The following MYCBP2 variants were observed in gnomAD, a reference collection of about 807,000 sequenced individuals.
MYCBP2 encodes the protein E3 ubiquitin-protein ligase MYCBP2.
MYCBP2 carries 120 observed loss-of-function variants against 525.3 expected under a neutral mutation model. That is an observed-to-expected ratio of 0.23 (90% confidence interval 0.20 to 0.27). MYCBP2 has a LOEUF of 0.27. MYCBP2 is among the 10% of genes least tolerant of loss of function. The pLI is 1.00. For missense variants in MYCBP2, 4,149 were observed against 5,657.1 expected (o/e 0.73, Z 8.55); for synonymous variants, 1,894 against 1,955.8 (o/e 0.97, Z 0.83).
intron 15 of MYCBP2, among the ~76,000 whole-genome samples, chr13:77,248,855 G>A (rs752319846): frequency 1.3e-5 from 2 of 152,208 alleles, no homozygotes; most frequent in Non-Finnish European, 2.9e-5. Context: ...CAATGTGGAA[G>A]CAACCAAAGT....
chr13:77,267,960 C>A, intron 7 of MYCBP2, 23 bp from the exon 8 acceptor site: 1 of 1,530,770 alleles, frequency 6.5e-7, no homozygotes, highest in South Asian at 1.1e-5. Context: ...AAAAATTTTC[C>A]TGTTAAAATA....
At position 77,185,952 on chromosome 13, in the gene MYCBP2, C is replaced by A; in HGVS notation, c.4363G>T (p.Asp1455Tyr). The change falls in exon 31 of 83, where the codon GAT (aspartate) becomes TAT (tyrosine). Residue 1455 changes from aspartate (D) to tyrosine (Y), a missense_variant. Physicochemically the swap from Asp to Tyr is radical, Grantham distance 160. Coordinates refer to ENST00000544440, the MANE Select transcript of MYCBP2 (RefSeq NM_015057.5). ...KGFQFTATLLDLERLRFVGTC... is the reference protein window; with the variant it reads ...KGFQFTATLLYLERLRFVGTC... ...CCCACAAAGCGCAGTCTCTCTAAAT[C>A]TAGGAGTGTAGCTGTGAACTGGAAT... The A allele has an allele frequency of 1.2e-6, 2 of 1,613,940 alleles. No homozygotes were observed. Among genetic ancestry groups the A allele is most frequent in the Non-Finnish European group, 1.7e-6 (2 of 1,179,904 alleles).
intron 49 of MYCBP2, among the ~76,000 whole-genome samples, chr13:77,141,222 T>TA (rs1443225799): frequency 2.0e-5 from 3 of 151,552 alleles, no homozygotes; most frequent in Non-Finnish European, 2.9e-5. Flanking sequence ...TGGAAAATAA[T>TA]AAAAAAAAGA....
At chr13:77,185,044 T>C in intron 32 of MYCBP2, 59 bp downstream of exon 32, 2 of 1,453,956 alleles carry the variant, frequency 1.4e-6, no homozygotes, top group African/African-American at 1.4e-5. Context: ...ATTTATTTTC[T>C]TGAAGAGTAT....
At chr13:77,209,547 T>C (rs1381021797) in intron 23 of MYCBP2, among the ~76,000 whole-genome samples, 1 of 152,192 alleles carries the variant, frequency 6.6e-6, no homozygotes, top group African/African-American at 2.4e-5. Flanking sequence ...AATTCTATCT[T>C]TACATCTTTT....
chr13:77,280,109 T>G (rs9593221), intron 3 of MYCBP2, among the ~76,000 whole-genome samples: 2 of 152,202 alleles, frequency 1.3e-5, no homozygotes, highest in Non-Finnish European at 2.9e-5. Context: ...CAGAAATACA[T>G]TTTCTAAACC....
chr13:77,136,532 GCTTTCTTGGCT>G (rs1421092110), intron 52 of MYCBP2, among the ~76,000 whole-genome samples: 1 of 152,042 alleles, frequency 6.6e-6, no homozygotes, highest in Non-Finnish European at 1.5e-5. Flanking sequence ...ACTATAATTT[GCTTTCTTGGCT>G]CTTTCTTGGC....
In MYCBP2 at chr13:77,058,528, T is replaced by A; in HGVS notation, c.13141-122A>T. The A allele has an allele frequency of 1.4e-6, 1 of 709,454 alleles. No homozygotes were observed. The highest frequency in any genetic ancestry group is 2.1e-6 in the Non-Finnish European group (1 of 477,524). 43.9% of individuals were successfully genotyped at this position (709,454 alleles called of 1,614,324 possible). On this transcript the variant is annotated intron_variant, in intron 77 of 82. Transcript: ENST00000544440. This position sits in a 1 kb window ranked among gnomAD's most constrained non-coding sequence, Gnocchi z 4.1. Reference sequence around the variant, plus strand: ...ACAGGAAGTATCTATGCAGGCCAAGTAACAACAAAGTAAAGTTATTTCTAA... The same window carrying A: ...ACAGGAAGTATCTATGCAGGCCAAGAAACAACAAAGTAAAGTTATTTCTAA...
intron 39 of MYCBP2, 26 bp from the exon 40 acceptor site, chr13:77,168,672 A>G: frequency 6.3e-7 from 1 of 1,599,562 alleles, no homozygotes; most frequent in Non-Finnish European, 8.6e-7. Context: ...AAATATGGTT[A>G]AATGAGATAC....
At chr13:77,157,791 A>T in intron 45 of MYCBP2, 146 bp downstream of exon 45, 1 of 668,352 alleles carries the variant, frequency 1.5e-6, no homozygotes, top group Non-Finnish European at 2.5e-6. Context: ...AAAAATATTA[A>T]CTATCATTTT....
At chr13:77,171,073 T>C (rs1566796482) in intron 38 of MYCBP2, among the ~76,000 whole-genome samples, 1 of 152,062 alleles carries the variant, frequency 6.6e-6, no homozygotes, top group African/African-American at 2.4e-5. Flanking sequence ...ACTAGAGAGA[T>C]TCCAATGGAA....
At chr13:77,319,675 C>A (rs1188166109) in intron 1 of MYCBP2, among the ~76,000 whole-genome samples, 1 of 152,212 alleles carries the variant, frequency 6.6e-6, no homozygotes, top group Non-Finnish European at 1.5e-5. Flanking sequence ...AGTGCACTCA[C>A]CAGTGCATTC....
intron 54 of MYCBP2, among the ~76,000 whole-genome samples, chr13:77,122,464 G>A (rs1354057092): frequency 6.6e-6 from 1 of 152,140 alleles, no homozygotes; most frequent in East Asian, 1.9e-4. Context: ...CACTTTGGGA[G>A]GCCAAGGCAG....
chr13:77,303,859 A>G (rs1329758749), intron 1 of MYCBP2, among the ~76,000 whole-genome samples: 1 of 152,208 alleles, frequency 6.6e-6, no homozygotes, highest in East Asian at 1.9e-4. Context: ...AATATGTAGT[A>G]GAAAGGAAAT....
Position 77,171,393 on chromosome 13 carries a change from T to C in MYCBP2, c.5794+99A>G, listed in dbSNP as rs1236130629. ...ATCTATAAATAACACTTAGATTCTA[T>C]AAAATTGTATAATAGAAGGCTCCTC... On this transcript the variant is annotated intron_variant, in intron 38 of 82. Transcript: ENST00000544440. The C allele has an allele frequency of 1.8e-5, 22 of 1,232,830 alleles. No individual in the cohort carries two copies. The Admixed American group carries it at 3.6e-4, about 20-fold the overall frequency. The allele number at this position is 1,232,830 out of a possible 1,614,324, so 76.4% of individuals were successfully genotyped here.
chr13:77,044,798 AT>A lies in MYCBP2; in HGVS notation c.*579del. 1 of 398,946 alleles carries A rather than the reference AT, an allele frequency of 2.5e-6. No individual in the cohort carries two copies. Among genetic ancestry groups the A allele is most frequent in the Non-Finnish European group, 4.4e-6 (1 of 226,032 alleles). 24.7% of individuals were successfully genotyped at this position (398,946 alleles called of 1,614,324 possible). On this transcript the variant is annotated 3_prime_UTR_variant, in exon 83 of 83. Coordinates refer to ENST00000544440, the MANE Select transcript of MYCBP2 (RefSeq NM_015057.5). ...GCTCAAACTTAACCTAGAAGTTTAA[AT>A]GAAATTGCATTTGTAATTTAGTAAT...
intron 21 of MYCBP2, among the ~76,000 whole-genome samples, chr13:77,215,380 T>C (rs1167816406): frequency 6.6e-6 from 1 of 152,070 alleles, no homozygotes; most frequent in Non-Finnish European, 1.5e-5. Context: ...AGAATGACCT[T>C]TCAGTGAGTT....
chr13:77,261,385 T>TAA lies in MYCBP2; in HGVS notation c.1648-12_1648-11dup, dbSNP rs11436373. 0.041 allele frequency: 50,050 copies of TAA among 1,219,722 alleles called. 121 individuals are homozygous for TAA. Among genetic ancestry groups the TAA allele is most frequent in the Middle Eastern group, 0.071 (344 of 4,874 alleles). The allele number at this position is 1,219,722 out of a possible 1,614,324, so 75.6% of individuals were successfully genotyped here. On this transcript the variant is annotated splice_polypyrimidine_tract_variant and intron_variant, in intron 11 of 82. Transcript: ENST00000544440. ...TGCCAGTGTAATATATCTTATGTATTAAAAAAAAAAAGGAATTATGGTACT... is the reference window on the plus strand; with the variant it reads ...TGCCAGTGTAATATATCTTATGTATTAAAAAAAAAAAAAGGAATTATGGTACT...
intron 82 of MYCBP2, among the ~76,000 whole-genome samples, chr13:77,049,366 G>C (rs979824781): frequency 6.6e-6 from 1 of 152,070 alleles, no homozygotes; most frequent in African/African-American, 2.4e-5. Flanking sequence ...GTAAAAAGTA[G>C]TCATACTTGA....
Sources: gnomAD v4.1 joint callset for allele counts (sites outside exome capture counted in the v4.1 genomes callset) on GRCh38, gnomAD v4.1.1 for gene constraint, Gnocchi (gnomAD v3.1) non-coding constraint, MANE v1.5 for transcripts, NCBI Gene and HGNC (gene_info 2026-07-23, HGNC 2026-07-21) for gene names.